The following TMIGD1 variants were observed in gnomAD, a reference collection of about 807,000 sequenced individuals.
TMIGD1 encodes the protein transmembrane and immunoglobulin domain containing 1.
In TMIGD1, 29 loss-of-function variants were observed where a neutral mutation model predicts 27.5. The ratio of observed to expected loss-of-function variants is 1.05; its 90% confidence interval spans 0.78 to 1.44. The LOEUF is 1.44. Among genes scored for constraint, TMIGD1 ranks in the 40% most tolerant of loss-of-function variants. The pLI is 0.00. For missense variants in TMIGD1, 334 were observed against 310.6 expected (o/e 1.08, Z -0.57); for synonymous variants, 109 against 110.3 (o/e 0.99, Z 0.07).
At chr17:30,330,169 AG>A (rs111551009) in intron 2 of TMIGD1, among the ~76,000 whole-genome samples, 4,794 of 151,250 alleles carry the variant, frequency 0.032, 209 homozygotes, top group African/African-American at 0.1. Flanking sequence ...TGTTGTTTAA[AG>A]GCACCCCACC....
At chr17:30,327,829 C>T (rs1339683762) in intron 3 of TMIGD1, among the ~76,000 whole-genome samples, 1 of 151,686 alleles carries the variant, frequency 6.6e-6, no homozygotes, top group Non-Finnish European at 1.5e-5. Flanking sequence ...ATCATTATAC[C>T]TCACCCATTG....
chr17:30,332,106 G>C lies in TMIGD1; in HGVS notation c.28C>G (p.Gln10Glu), dbSNP rs1250910263. 6.2e-7 allele frequency: 1 copy of C among 1,613,444 alleles called. No individual in the cohort carries two copies. The highest frequency in any genetic ancestry group is 8.5e-7 in the Non-Finnish European group (1 of 1,179,664). Residue 10 changes from glutamine to glutamate, a missense_variant, in exon 2 of 7, where the codon CAA (glutamine) becomes GAA (glutamate). Coordinates refer to ENST00000328886, the MANE Select transcript of TMIGD1 (RefSeq NM_206832.3). MAWKSSVIM[Q>E]MGRFLLLVIL... is the part of the protein sequence containing the mutation. The stretch of plus-strand genomic sequence containing the variant: ...ACTAAGAGAAGAAATCTTCCCATTT[G>C]CATTATGACACTGCTCTTCCATGCC...
intron 4 of TMIGD1, among the ~76,000 whole-genome samples, chr17:30,321,302 C>T (rs1364263427): frequency 1.3e-5 from 2 of 152,006 alleles, no homozygotes; most frequent in Admixed American, 6.6e-5. Flanking sequence ...GGCAGGACCC[C>T]GTTTCTTAAA....
At chr17:30,321,900 C>T (rs1286776185) in intron 4 of TMIGD1, among the ~76,000 whole-genome samples, 1 of 152,142 alleles carries the variant, frequency 6.6e-6, no homozygotes, top group Non-Finnish European at 1.5e-5. Flanking sequence ...ATGATCATGG[C>T]TCACTGCAGC....
Position 30,318,720 on chromosome 17 carries a change from G to T in TMIGD1, c.744+90C>A, listed in dbSNP as rs183228104. 2.0e-3 allele frequency: 1,808 copies of T among 889,342 alleles called. 5 individuals carry two copies. Among genetic ancestry groups the T allele is most frequent in the Non-Finnish European group, 2.7e-3 (1,512 of 561,196 alleles). 55.1% of individuals were successfully genotyped at this position (889,342 alleles called of 1,614,324 possible). A position where few individuals can be genotyped will look rare whatever the true frequency, so the allele number is the denominator to read the frequency against. ...GACCAGATTTGACTTTGCCAAGAAG[G>T]GTTCCTAACTGAAGTCACTTATATT... is the stretch of plus-strand genomic sequence containing the variant. On this transcript the variant is annotated intron_variant, in intron 5 of 6. Coordinates refer to ENST00000328886, the MANE Select transcript of TMIGD1 (RefSeq NM_206832.3).
chr17:30,318,326 CACGT>C (rs1245837108), intron 5 of TMIGD1, among the ~76,000 whole-genome samples: 1 of 152,106 alleles, frequency 6.6e-6, no homozygotes, highest in Non-Finnish European at 1.5e-5. Context: ...CCTAAGCATG[CACGT>C]ATTCTGAATC....
At chr17:30,333,295 G>A (rs1910040656) in intron 1 of TMIGD1, among the ~76,000 whole-genome samples, 1 of 148,282 alleles carries the variant, frequency 6.7e-6, no homozygotes, top group African/African-American at 2.5e-5. Flanking sequence ...AAAAAAATTA[G>A]CCAGGCATGG....
At chr17:30,317,171 G>A in intron 6 of TMIGD1, 22 bp downstream of exon 6, 1 of 1,613,612 alleles carries the variant, frequency 6.2e-7, no homozygotes, top group Non-Finnish European at 8.5e-7. Context: ...AAAAAGCACT[G>A]GTCCCGGCCT....
Position 30,316,475 on chromosome 17 carries a change from T to C in TMIGD1, c.*212A>G. On this transcript the variant is annotated 3_prime_UTR_variant, in exon 7 of 7. Transcript: ENST00000328886. ...TAACATATACTTCAAGGAGAAGACTTAACAAAATCTTACTTTTCATTCTTA... is the reference window on the plus strand; with the variant it reads ...TAACATATACTTCAAGGAGAAGACTCAACAAAATCTTACTTTTCATTCTTA... The C allele has an allele frequency of 1.9e-6, 1 of 533,348 alleles. No individual in the cohort carries two copies. The highest frequency in any genetic ancestry group is 2.8e-5 in the South Asian group (1 of 36,134). The allele number at this position is 533,348 out of a possible 1,614,324, so 33.0% of individuals were successfully genotyped here.
chr17:30,317,049 G>A (rs1345225903), intron 6 of TMIGD1, 144 bp downstream of exon 6: 8 of 959,148 alleles, frequency 8.3e-6, no homozygotes, highest in Non-Finnish European at 1.3e-5. Flanking sequence ...TAAAGTGGAG[G>A]CAGATTTTCC....
intron 4 of TMIGD1, among the ~76,000 whole-genome samples, chr17:30,323,298 T>C (rs763434528): frequency 6.6e-6 from 1 of 152,206 alleles, no homozygotes; most frequent in African/African-American, 2.4e-5. Flanking sequence ...CCTATATTCA[T>C]CATGGTTAAA....
intron 1 of TMIGD1, among the ~76,000 whole-genome samples, chr17:30,333,109 C>T (rs368848437): frequency 1.3e-5 from 2 of 152,010 alleles, no homozygotes; most frequent in African/African-American, 2.4e-5. Flanking sequence ...AATCTACTGC[C>T]TAGATTAATA....
Position 30,325,005 on chromosome 17 carries a change from C to G in TMIGD1, c.451G>C (p.Ala151Pro), listed in dbSNP as rs1170472019. 2 of 1,614,056 alleles carry G rather than the reference C, an allele frequency of 1.2e-6. No individual in the cohort carries two copies. Among genetic ancestry groups the G allele is most frequent in the South Asian group, 1.1e-5 (1 of 91,078 alleles). The stretch of plus-strand genomic sequence containing the variant: ...CTGTTTTTGTACCACATCATTTGAG[C>G]CTGGGGGTTGGCTTTCACATTGCAA... ...LVCNVKANPQAQMMWYKNSSL... is the reference protein window; with the variant it reads ...LVCNVKANPQPQMMWYKNSSL... Residue 151 changes from alanine to proline, a missense_variant, in exon 4 of 7, where the codon GCT (alanine) becomes CCT (proline). Coordinates refer to ENST00000328886, the MANE Select transcript of TMIGD1 (RefSeq NM_206832.3).
chr17:30,330,800 G>A (rs922418040), intron 2 of TMIGD1, among the ~76,000 whole-genome samples: 1 of 152,120 alleles, frequency 6.6e-6, no homozygotes, highest in Admixed American at 6.6e-5. Flanking sequence ...TGATTCAGAA[G>A]CAAGTAACAA....
intron 4 of TMIGD1, among the ~76,000 whole-genome samples, chr17:30,322,021 G>A (rs1909636137): frequency 6.6e-6 from 1 of 152,048 alleles, no homozygotes; most frequent in African/African-American, 2.4e-5. Context: ...TAGAGACAGG[G>A]TTCCAATATG....
intron 4 of TMIGD1, among the ~76,000 whole-genome samples, chr17:30,324,008 C>T (rs1567849211): frequency 6.6e-6 from 1 of 152,184 alleles, no homozygotes; most frequent in Admixed American, 6.5e-5. Flanking sequence ...GTTACATCAC[C>T]ACAACACTTC....
Position 30,316,775 on chromosome 17 carries a change from AT to A in TMIGD1, c.786-86del. ...AACAAAACCCATACTCTCTGACAAC[AT>A]GCCTTTGTTCTTATTACCTACTACC... On this transcript the variant is annotated intron_variant, in intron 6 of 6. Transcript: ENST00000328886. 6.9e-6 allele frequency: 9 copies of A among 1,299,378 alleles called. No individual in the cohort carries two copies. The South Asian group carries it at 1.1e-4, about 16-fold the overall frequency. The allele number at this position is 1,299,378 out of a possible 1,614,324, so 80.5% of individuals were successfully genotyped here. A position where few individuals can be genotyped will look rare whatever the true frequency, so the allele number is the denominator to read the frequency against.
intron 3 of TMIGD1, among the ~76,000 whole-genome samples, chr17:30,327,544 TTTTTA>T (rs1237730606): frequency 5.3e-5 from 8 of 151,792 alleles, no homozygotes; most frequent in Admixed American, 2.0e-4. Flanking sequence ...CTTAGCTGGC[TTTTTA>T]TTTTATTTTA....
At position 30,324,989 on chromosome 17, in the gene TMIGD1, TA is replaced by T. The variant is rs778293472; in HGVS notation, c.466del (p.Tyr156ThrfsTer9). The T allele has an allele frequency of 1.1e-5, 17 of 1,614,034 alleles. No individual in the cohort carries two copies. Among genetic ancestry groups the T allele is most frequent in the Admixed American group, 1.0e-4 (6 of 60,004 alleles). On this transcript the variant is annotated frameshift_variant, in exon 4 of 7. Coordinates refer to ENST00000328886, the MANE Select transcript of TMIGD1 (RefSeq NM_206832.3). LOFTEE classifies it high-confidence loss of function. ...TAAATCGAGGAGACTACTGTTTTTG[TA>T]CCACATCATTTGAGCCTGGGGGTTG... Reference protein sequence around the residue: ...KANPQAQMMWYKNSSLLDLEK... With the variant: ...KANPQAQMMWXKNSSLLDLEK...
Sources: gnomAD v4.1 joint callset for allele counts (sites outside exome capture counted in the v4.1 genomes callset) on GRCh38, gnomAD v4.1.1 for gene constraint, MANE v1.5 for transcripts, NCBI Gene and HGNC (gene_info 2026-07-23, HGNC 2026-07-21) for gene names.